The following TSNARE1 variants were observed in gnomAD, a reference collection of about 807,000 sequenced individuals.
TSNARE1 encodes t-SNARE domain containing 1.
Under a neutral mutation model 62.0 loss-of-function variants are expected in TSNARE1, and 49 were observed. The ratio of observed to expected loss-of-function variants is 0.79; its 90% CI spans 0.63 to 1.00. The LOEUF (loss-of-function observed/expected upper bound fraction) is 1.00, where lower values mean the gene tolerates loss of function less well. Among genes scored for constraint, TSNARE1 ranks in the 50% least tolerant of loss-of-function variants. TSNARE1 has a pLI of 0.00. For synonymous variants in TSNARE1, 328 were observed against 294.4 expected (o/e 1.11, Z -1.17); for missense variants, 755 against 700.1 (o/e 1.08, Z -0.88).
At chr8:142,375,474 G>A (rs946213930) in intron 1 of TSNARE1, among the ~76,000 whole-genome samples, 1 of 152,210 alleles carries the variant, frequency 6.6e-6, no homozygotes, top group African/African-American at 2.4e-5. Context: ...GGCAGGCACT[G>A]GCAGGACATG....
At chr8:142,372,531 G>C (rs1026507589) in intron 1 of TSNARE1, among the ~76,000 whole-genome samples, 14 of 152,196 alleles carry the variant, frequency 9.2e-5, no homozygotes, top group African/African-American at 3.4e-4. Context: ...AGAGGCTGCG[G>C]GGTGGAGCGG....
At chr8:142,276,061 C>G (rs1410440913) in intron 11 of TSNARE1, 1 of 985,330 alleles carries the variant, frequency 1.0e-6, no homozygotes, top group African/African-American at 1.7e-5. Flanking sequence ...AGCTCCACCC[C>G]ACCCTTGCCC....
chr8:142,399,925 T>C (rs555718913), intron 1 of TSNARE1, among the ~76,000 whole-genome samples: 22 of 152,138 alleles, frequency 1.4e-4, no homozygotes, highest in African/African-American at 5.1e-4. Context: ...CCAGACGCCA[T>C]GACTCACGCT....
chr8:142,233,156 G>A (rs1485975718), intron 12 of TSNARE1, among the ~76,000 whole-genome samples: 1 of 152,206 alleles, frequency 6.6e-6, no homozygotes, highest in Non-Finnish European at 1.5e-5. Context: ...CATGACCTGA[G>A]TAGACTGCAG....
At chr8:142,314,279 C>A in intron 9 of TSNARE1, 105 bp downstream of exon 9, 1 of 1,085,866 alleles carries the variant, frequency 9.2e-7, no homozygotes, top group Non-Finnish European at 1.3e-6. Flanking sequence ...CCTCAGATGA[C>A]ACCCCTGCCC....
chr8:142,262,745 A>T (rs2130414697), intron 12 of TSNARE1, among the ~76,000 whole-genome samples: 1 of 151,588 alleles, frequency 6.6e-6, no homozygotes, highest in East Asian at 1.9e-4. Flanking sequence ...TTCCACCATG[A>T]TTGTAAGTTC....
intron 7 of TSNARE1, among the ~76,000 whole-genome samples, chr8:142,317,080 G>T (rs1205093817): frequency 6.6e-6 from 1 of 151,818 alleles, no homozygotes; most frequent in Non-Finnish European, 1.5e-5. Flanking sequence ...ACATGAAGCG[G>T]GTATGGCCAG....
intron 12 of TSNARE1, among the ~76,000 whole-genome samples, chr8:142,259,690 C>T (rs1818759223): frequency 6.6e-6 from 1 of 152,324 alleles, no homozygotes; most frequent in Middle Eastern, 3.4e-3. Flanking sequence ...CACAAGCAGC[C>T]TCTTACAGGG....
chr8:142,267,380 G>A (rs1367074046), intron 12 of TSNARE1, among the ~76,000 whole-genome samples: 1 of 152,208 alleles, frequency 6.6e-6, no homozygotes, highest in African/African-American at 2.4e-5. Context: ...AGATCCTCTA[G>A]GGTGGGCAAG....
chr8:142,281,755 C>T (rs1034853783), intron 11 of TSNARE1, among the ~76,000 whole-genome samples: 28 of 152,046 alleles, frequency 1.8e-4, no homozygotes, highest in African/African-American at 6.5e-4. Flanking sequence ...GCTGGGGAGT[C>T]GGTGGGCCTG....
At chr8:142,373,818 G>A (rs549943703) in intron 1 of TSNARE1, among the ~76,000 whole-genome samples, 1 of 152,240 alleles carries the variant, frequency 6.6e-6, no homozygotes, top group Non-Finnish European at 1.5e-5. Flanking sequence ...ACACAGGAGA[G>A]GGAGCTAGGC....
intron 12 of TSNARE1, among the ~76,000 whole-genome samples, chr8:142,262,324 CGTGTGT>C (rs144256368): frequency 1.4e-3 from 203 of 148,862 alleles, no homozygotes; most frequent in African/African-American, 4.8e-3. Context: ...TATCCATGAA[CGTGTGT>C]GTGTGTGTGT....
chr8:142,390,281 G>A lies in TSNARE1; in HGVS notation c.-40+12823C>T, dbSNP rs531313804. On this transcript the variant is annotated intron_variant, in intron 1 of 13. Coordinates refer to ENST00000524325, the MANE Select transcript of TSNARE1 (RefSeq NM_145003.5). ...CACTGCTGGGGACTCCGTAACAGAC[G>A]CTGTACACTGCGGGGGACTCCGTAA... Among the ~76,000 whole-genome samples the A allele has an allele frequency of 5.3e-5, 8 of 151,652 alleles. No individual in the cohort carries two copies. The South Asian group carries it at 1.3e-3, about 24-fold the overall frequency.
intron 3 of TSNARE1, 152 bp downstream of exon 3, chr8:142,345,591 A>C: frequency 1.1e-6 from 1 of 907,568 alleles, no homozygotes; most frequent in Non-Finnish European, 1.6e-6. Context: ...ACTCAGGGGA[A>C]GGCCTGGCAG....
At chr8:142,374,994 G>T (rs1836221009) in intron 1 of TSNARE1, among the ~76,000 whole-genome samples, 1 of 152,212 alleles carries the variant, frequency 6.6e-6, no homozygotes. Flanking sequence ...CCTTTCCCCA[G>T]GGAGGAGACA....
In TSNARE1 at chr8:142,350,172, G is replaced by GGGCAGGGCTGGGACCTCGGCA. The variant is rs1219006727; in HGVS notation, c.89-4301_89-4281dup. Among the ~76,000 whole-genome samples, 71 of 120,404 alleles carry GGGCAGGGCTGGGACCTCGGCA rather than the reference G, an allele frequency of 5.9e-4. 2 individuals carry two copies. The highest frequency in any genetic ancestry group is 2.0e-3 in the African/African-American group (69 of 33,762). The allele number at this position is 120,404 out of a possible 152,430, so 79.0% of individuals were successfully genotyped here. A position where few individuals can be genotyped will look rare whatever the true frequency, so the allele number is the denominator to read the frequency against. ...GGGCTGGGATCAGGGCAGGCAGGGT[G>GGGCAGGGCTGGGACCTCGGCA]GGCAGGGCTGGGACCTCGGCAGGCA... On this transcript the variant is annotated intron_variant, in intron 2 of 13. Transcript: ENST00000524325.
chr8:142,243,599 G>A (rs1031547320), intron 12 of TSNARE1, among the ~76,000 whole-genome samples: 1 of 151,258 alleles, frequency 6.6e-6, no homozygotes. Flanking sequence ...GGGGCCGGGG[G>A]AGCAGGGGAG....
intron 9 of TSNARE1, among the ~76,000 whole-genome samples, chr8:142,305,912 C>G (rs1402111847): frequency 6.6e-6 from 1 of 152,190 alleles, no homozygotes. Flanking sequence ...CACGGTTTCC[C>G]GTGGGAAGAG....
chr8:142,399,105 CG>C (rs1838108077), intron 1 of TSNARE1, among the ~76,000 whole-genome samples: 1 of 152,234 alleles, frequency 6.6e-6, no homozygotes, highest in Non-Finnish European at 1.5e-5. Flanking sequence ...GAGGACACCC[CG>C]CCCATAAGGC....
Sources: allele counts gnomAD v4.1 joint callset (sites outside exome capture counted in the v4.1 genomes callset), GRCh38; gene constraint gnomAD v4.1.1; transcripts MANE v1.5; gene names NCBI Gene and HGNC (gene_info 2026-07-23, HGNC 2026-07-21).